The following ELP4 variants were observed in gnomAD, a reference collection of about 807,000 sequenced individuals.
ELP4 encodes the protein elongator acetyltransferase complex subunit 4.
Under a neutral mutation model 48.9 loss-of-function variants are expected in ELP4, and 51 were observed. The ratio of observed to expected loss-of-function variants is 1.04; its 90% confidence interval spans 0.83 to 1.32. The LOEUF (loss-of-function observed/expected upper bound fraction) is 1.32. ELP4 is among the 40% of genes most tolerant of loss of function. The probability of loss-of-function intolerance (pLI) is 0.00; values close to 1 mark genes in which losing one functional copy is unlikely to be tolerated. For synonymous variants in ELP4, 210 were observed against 189.2 expected (o/e 1.11, Z -0.90); for missense variants, 519 against 514.6 (o/e 1.01, Z -0.08).
At chr11:31,735,512 C>T (rs920783580) in intron 9 of ELP4, among the ~76,000 whole-genome samples, 1 of 152,120 alleles carries the variant, frequency 6.6e-6, no homozygotes, top group African/African-American at 2.4e-5. Context: ...GGGCATTCAA[C>T]TAAGAAAAGA....
At position 31,785,078 on chromosome 11, in the gene ELP4, GTTAAAA is replaced by G. The variant is rs1273390609; in HGVS notation, c.*1560_*1565del. 5.5e-6 allele frequency: 1 copy of G among 180,786 alleles called. No homozygotes were observed. The highest frequency in any genetic ancestry group is 1.2e-5 in the Non-Finnish European group (1 of 84,648). The allele number at this position is 180,786 out of a possible 1,614,324, so 11.2% of individuals were successfully genotyped here. A position where few individuals can be genotyped will look rare whatever the true frequency, so the allele number is the denominator to read the frequency against. Reference sequence around the variant, plus strand: ...ATAAAGTTTCAGAATTGATCTGTCAGTTAAAATTAAAGGGCTTTATATTAAGCAAAG... The same window carrying G: ...ATAAAGTTTCAGAATTGATCTGTCAGTTAAAGGGCTTTATATTAAGCAAAG... On this transcript the variant is annotated 3_prime_UTR_variant, in exon 10 of 10. Transcript: ENST00000640961.
intron 2 of ELP4, among the ~76,000 whole-genome samples, chr11:31,528,286 T>G (rs1956331868): frequency 6.6e-6 from 1 of 152,036 alleles, no homozygotes; most frequent in Non-Finnish European, 1.5e-5. Flanking sequence ...AAAGCCTGGG[T>G]AAAGGCAATT....
At chr11:31,759,289 G>C (rs1387727295) in intron 9 of ELP4, among the ~76,000 whole-genome samples, 1 of 152,056 alleles carries the variant, frequency 6.6e-6, no homozygotes, top group African/African-American at 2.4e-5. Flanking sequence ...ATTAAGTTTT[G>C]AGTTTTTTCC....
chr11:31,525,642 C>T (rs1956284441), intron 2 of ELP4, among the ~76,000 whole-genome samples: 1 of 152,076 alleles, frequency 6.6e-6, no homozygotes, highest in Non-Finnish European at 1.5e-5. Flanking sequence ...TAAGTTTGGC[C>T]TTCTTCCCCT....
At chr11:31,597,657 C>T (rs555459512) in intron 4 of ELP4, among the ~76,000 whole-genome samples, 11 of 152,192 alleles carry the variant, frequency 7.2e-5, no homozygotes, top group Admixed American at 6.5e-5. Flanking sequence ...CTGCAACCTC[C>T]GCCTCCCAGG....
intron 9 of ELP4, among the ~76,000 whole-genome samples, chr11:31,720,722 A>G (rs1023394381): frequency 6.6e-6 from 1 of 152,218 alleles, no homozygotes; most frequent in African/African-American, 2.4e-5. Context: ...AGTGGTACTA[A>G]GTGTGACATA....
At chr11:31,611,512 A>G (rs184724095) in intron 5 of ELP4, among the ~76,000 whole-genome samples, 95 of 152,124 alleles carry the variant, frequency 6.2e-4, no homozygotes, top group Non-Finnish European at 1.1e-3. Context: ...ACTGGATCTC[A>G]TTGAGGTTGG....
chr11:31,632,119 T>A, intron 6 of ELP4, 98 bp from the exon 7 acceptor site: 1 of 958,950 alleles, frequency 1.0e-6, no homozygotes. Flanking sequence ...ATTGACATTG[T>A]CTCCCTGATG....
chr11:31,576,098 C>G (rs1029051576), intron 3 of ELP4, among the ~76,000 whole-genome samples: 7 of 152,184 alleles, frequency 4.6e-5, no homozygotes, highest in Non-Finnish European at 1.5e-5. Flanking sequence ...AGAAGAAGAT[C>G]TACCAAGCAA....
At chr11:31,722,665 TTCTCTCTCTCTC>T (rs71060499) in intron 9 of ELP4, among the ~76,000 whole-genome samples, 4 of 144,286 alleles carry the variant, frequency 2.8e-5, no homozygotes, top group Non-Finnish European at 6.0e-5. Flanking sequence ...AAGGTGTCTC[TTCTCTCTCTCTC>T]TCTCTCTCTC....
At chr11:31,731,261 G>C (rs1465502650) in intron 9 of ELP4, among the ~76,000 whole-genome samples, 1 of 152,142 alleles carries the variant, frequency 6.6e-6, no homozygotes, top group Non-Finnish European at 1.5e-5. Flanking sequence ...TATGTGAATT[G>C]CTTGACAAAG....
chr11:31,650,553 G>A (rs1468380328), intron 9 of ELP4: 7 of 195,590 alleles, frequency 3.6e-5, no homozygotes, highest in Non-Finnish European at 6.2e-5. Context: ...CGCTTACTTG[G>A]GTGTGGAATG....
chr11:31,622,886 G>C (rs1479290928), intron 5 of ELP4, among the ~76,000 whole-genome samples: 4 of 151,266 alleles, frequency 2.6e-5, no homozygotes, highest in Non-Finnish European at 4.4e-5. Flanking sequence ...TAATGCACAT[G>C]GAACAATTTT....
chr11:31,749,690 A>G (rs1455413554), intron 9 of ELP4, among the ~76,000 whole-genome samples: 1 of 152,222 alleles, frequency 6.6e-6, no homozygotes, highest in African/African-American at 2.4e-5. Context: ...GAAAAGGAGC[A>G]GGGAGAAATA....
chr11:31,560,219 A>G (rs1411110818), intron 3 of ELP4, among the ~76,000 whole-genome samples: 1 of 152,160 alleles, frequency 6.6e-6, no homozygotes, highest in Non-Finnish European at 1.5e-5. Context: ...TTGACAGTAG[A>G]TATTTTTGAA....
chr11:31,518,348 C>T (rs531051), intron 1 of ELP4, among the ~76,000 whole-genome samples: 38,073 of 151,874 alleles, frequency 0.25, 5,294 homozygotes, highest in Non-Finnish European at 0.32. Context: ...TCAGGTGATC[C>T]GCCCGCCTCA....
At chr11:31,544,575 C>A (rs1956661735) in intron 3 of ELP4, among the ~76,000 whole-genome samples, 1 of 152,204 alleles carries the variant, frequency 6.6e-6, no homozygotes, top group Non-Finnish European at 1.5e-5. Flanking sequence ...CGGGGCAGGG[C>A]ACAGACAAAC....
chr11:31,567,050 C>G (rs1433806886), intron 3 of ELP4, among the ~76,000 whole-genome samples: 1 of 151,756 alleles, frequency 6.6e-6, no homozygotes, highest in East Asian at 1.9e-4. Flanking sequence ...TTTTTTTCAG[C>G]CTCCCGAGTA....
At chr11:31,718,735 T>C (rs984769386) in intron 9 of ELP4, among the ~76,000 whole-genome samples, 12 of 152,240 alleles carry the variant, frequency 7.9e-5, no homozygotes, top group Non-Finnish European at 1.0e-4. Flanking sequence ...ACTGCTTAGA[T>C]GGCAGCTTAG....
Sources: allele counts gnomAD v4.1 joint callset (sites outside exome capture counted in the v4.1 genomes callset), GRCh38; gene constraint gnomAD v4.1.1; transcripts MANE v1.5; gene names NCBI Gene and HGNC (gene_info 2026-07-23, HGNC 2026-07-21).